CALN1: variants seen among roughly 807,000 people sequenced by gnomAD.
CALN1 encodes the protein calneuron 1.
A neutral mutation model predicts 30.6 loss-of-function variants in CALN1; 17 were observed. The ratio of observed to expected loss-of-function variants is 0.56; its 90% CI spans 0.38 to 0.83. The LOEUF (loss-of-function observed/expected upper bound fraction) is 0.83, where lower values mean the gene tolerates loss of function less well. Ranked by LOEUF, CALN1 falls within the 40% of genes least tolerant of loss-of-function variation. The pLI, the probability that CALN1 is intolerant of heterozygous loss-of-function variation, is 0.00. For missense variants in CALN1, 291 were observed against 354.9 expected (o/e 0.82, Z 1.45); for synonymous variants, 156 against 131.4 (o/e 1.19, Z -1.28).
intron 4 of CALN1, among the ~76,000 whole-genome samples, chr7:72,046,709 TAAAAAAAA>T (rs59664699): frequency 7.7e-5 from 4 of 51,858 alleles, no homozygotes; most frequent in Non-Finnish European, 1.4e-4. Context: ...GACTCCCTCT[TAAAAAAAA>T]AAAAAAAAAA....
chr7:72,319,919 G>A (rs1469803430), intron 2 of CALN1, among the ~76,000 whole-genome samples: 1 of 152,066 alleles, frequency 6.6e-6, no homozygotes, highest in East Asian at 1.9e-4. Flanking sequence ...CTATTCGGGC[G>A]ATGGTTACAC....
intron 2 of CALN1, among the ~76,000 whole-genome samples, chr7:72,313,853 CAG>C (rs1800231397): frequency 6.6e-6 from 1 of 152,064 alleles, no homozygotes; most frequent in Non-Finnish European, 1.5e-5. Flanking sequence ...TACAAGGAAA[CAG>C]AGGAAGGGAA....
At position 72,405,717 on chromosome 7, in the gene CALN1, CAAA is replaced by C. The variant is rs10599244; in HGVS notation, c.-73-2278_-73-2276del. ...CAAGTGTGTCATTACAGTAGAAACGCAAAAAAAAAAAATGACATTTTATTTTCA... is the reference window on the plus strand; with the variant it reads ...CAAGTGTGTCATTACAGTAGAAACGCAAAAAAAAATGACATTTTATTTTCA... On this transcript the variant is annotated intron_variant, in intron 1 of 6. Coordinates refer to ENST00000395275, the MANE Select transcript of CALN1 (RefSeq NM_031468.4). Among the ~76,000 whole-genome samples the C allele has an allele frequency of 3.4e-5, 5 of 145,110 alleles. No individual in the cohort carries two copies. The East Asian group carries it at 8.0e-4, about 23-fold the overall frequency.
At chr7:72,017,882 A>C (rs1252440117) in intron 5 of CALN1, among the ~76,000 whole-genome samples, 1 of 152,162 alleles carries the variant, frequency 6.6e-6, no homozygotes, top group African/African-American at 2.4e-5. Context: ...TGGCAAAAGT[A>C]AGACACACAA....
At chr7:71,912,629 G>C (rs1243479076) in intron 5 of CALN1, among the ~76,000 whole-genome samples, 1 of 152,132 alleles carries the variant, frequency 6.6e-6, no homozygotes, top group East Asian at 1.9e-4. Flanking sequence ...AGATATAACT[G>C]AGTTCCCGCT....
chr7:71,933,146 G>A (rs536784859), intron 5 of CALN1, among the ~76,000 whole-genome samples: 8 of 152,186 alleles, frequency 5.3e-5, no homozygotes, highest in Non-Finnish European at 8.8e-5. Flanking sequence ...CCTGGGACTA[G>A]GCATGTCCAA....
At chr7:72,092,233 T>C (rs563088499) in intron 4 of CALN1, among the ~76,000 whole-genome samples, 9 of 152,202 alleles carry the variant, frequency 5.9e-5, no homozygotes, top group Non-Finnish European at 1.2e-4. Context: ...AATTTCCAAG[T>C]GGGTGGGATT....
intron 2 of CALN1, among the ~76,000 whole-genome samples, chr7:72,393,626 T>TG (rs1230465072): frequency 6.6e-6 from 1 of 152,084 alleles, no homozygotes; most frequent in Non-Finnish European, 1.5e-5. Flanking sequence ...GTCCCACAGC[T>TG]GGGCCCCCCC....
intron 3 of CALN1, among the ~76,000 whole-genome samples, chr7:72,191,759 A>G (rs1010425077): frequency 6.6e-6 from 1 of 152,002 alleles, no homozygotes; most frequent in Admixed American, 6.6e-5. Context: ...TCATTATCTG[A>G]CTGTTCTAGA....
At chr7:72,182,082 G>A (rs920104047) in intron 3 of CALN1, among the ~76,000 whole-genome samples, 9 of 152,192 alleles carry the variant, frequency 5.9e-5, no homozygotes, top group Non-Finnish European at 8.8e-5. Flanking sequence ...GAAGACTAGG[G>A]ATAATTGCAA....
Position 71,873,001 on chromosome 7 carries a change from A to ATTTT in CALN1, c.502-62513_502-62510dup, listed in dbSNP as rs371153112. Reference sequence around the variant, plus strand: ...AGTTAAACACACAAAGTTTGTGACAATTTTTTTTTTTTTTTTTTTTGAGAT... The same window carrying ATTTT: ...AGTTAAACACACAAAGTTTGTGACAATTTTTTTTTTTTTTTTTTTTTTTTGAGAT... On this transcript the variant is annotated intron_variant, in intron 5 of 6. Coordinates refer to ENST00000395275, the MANE Select transcript of CALN1 (RefSeq NM_031468.4). Among the ~76,000 whole-genome samples the ATTTT allele has an allele frequency of 1.0e-3, 116 of 115,618 alleles. 7 individuals are homozygous for ATTTT. The highest frequency in any genetic ancestry group is 2.4e-3 in the East Asian group (10 of 4,146). The allele number at this position is 115,618 out of a possible 152,430, so 75.8% of individuals were successfully genotyped here. A position where few individuals can be genotyped will look rare whatever the true frequency, so the allele number is the denominator to read the frequency against.
chr7:72,128,676 G>C (rs1808936415), intron 3 of CALN1, among the ~76,000 whole-genome samples: 2 of 152,136 alleles, frequency 1.3e-5, no homozygotes, highest in South Asian at 4.1e-4. Context: ...TTCGAGACCA[G>C]CCTGCCCAAC....
the CALN1 span, among the ~76,000 whole-genome samples, chr7:72,478,770 A>G: frequency 6.6e-6 from 1 of 152,182 alleles, no homozygotes; most frequent in South Asian, 2.1e-4. Flanking sequence ...TTTGCAAACA[A>G]TGTGATTAAA....
intron 3 of CALN1, among the ~76,000 whole-genome samples, chr7:72,157,937 G>T (rs1196119916): frequency 1.3e-5 from 2 of 152,120 alleles, no homozygotes; most frequent in Non-Finnish European, 2.9e-5. Context: ...TAGAGACAGG[G>T]TTTCACAATG....
intron 5 of CALN1, among the ~76,000 whole-genome samples, chr7:71,908,946 C>T (rs1794282935): frequency 6.6e-6 from 1 of 152,220 alleles, no homozygotes; most frequent in Admixed American, 6.5e-5. Flanking sequence ...TTATTGAGCA[C>T]TTCAATGTTT....
intron 3 of CALN1, among the ~76,000 whole-genome samples, chr7:72,179,467 C>T (rs1490383643): frequency 1.3e-5 from 2 of 152,094 alleles, no homozygotes; most frequent in African/African-American, 2.4e-5. Flanking sequence ...TCAGCCAAAA[C>T]CAGCAAGTTT....
At chr7:72,423,404 G>A (rs1807679858) in intron 1 of CALN1, among the ~76,000 whole-genome samples, 1 of 152,140 alleles carries the variant, frequency 6.6e-6, no homozygotes, top group Non-Finnish European at 1.5e-5. Flanking sequence ...ACCAGCAGAG[G>A]GGCAGGGCAG....
At chr7:72,237,476 G>A (rs1214474255) in intron 3 of CALN1, among the ~76,000 whole-genome samples, 1 of 152,210 alleles carries the variant, frequency 6.6e-6, no homozygotes, top group Non-Finnish European at 1.5e-5. Flanking sequence ...ACCTGTCACT[G>A]AGCAGAGGAC....
At chr7:72,160,236 C>T (rs971333211) in intron 3 of CALN1, among the ~76,000 whole-genome samples, 1 of 151,834 alleles carries the variant, frequency 6.6e-6, no homozygotes, top group Non-Finnish European at 1.5e-5. Flanking sequence ...AAGAGACATC[C>T]GTCATAATCA....
Sources: allele counts gnomAD v4.1 joint callset (sites outside exome capture counted in the v4.1 genomes callset), GRCh38; gene constraint gnomAD v4.1.1; transcripts MANE v1.5; gene names NCBI Gene and HGNC (gene_info 2026-07-23, HGNC 2026-07-21).